The following STS variants were observed in gnomAD, a reference collection of about 807,000 sequenced individuals.
STS encodes the protein steryl-sulfatase.
A neutral mutation model predicts 26.8 loss-of-function variants in STS; 7 were observed. The ratio of observed to expected loss-of-function variants is 0.26; its 90% CI spans 0.15 to 0.49. The LOEUF is 0.49. Among genes scored for constraint, STS ranks in the 20% least tolerant of loss-of-function variants. The pLI, the probability that STS is intolerant of heterozygous loss-of-function variation, is 0.98. For missense variants in STS, 434 were observed against 465.6 expected (o/e 0.93, Z 0.63); for synonymous variants, 199 against 189.4 (o/e 1.05, Z -0.42).
At chrX:7,289,844 A>G (rs1426706167) in intron 7 of STS, among the ~76,000 whole-genome samples, 3 of 111,328 alleles carry the variant, frequency 2.7e-5, no homozygotes, top group African/African-American at 9.8e-5. Flanking sequence ...TTGTAGAGAC[A>G]GGGTTTTACT....
intron 2 of STS, among the ~76,000 whole-genome samples, chrX:7,243,384 G>A (rs753905489): frequency 6.3e-5 from 7 of 111,813 alleles, no homozygotes; most frequent in Non-Finnish European, 9.4e-5. Flanking sequence ...ACCTTTTATC[G>A]CTAGTATCCT....
intron 10 of STS, among the ~76,000 whole-genome samples, chrX:7,338,956 C>T (rs1158986551): frequency 8.9e-6 from 1 of 111,774 alleles, no homozygotes; most frequent in East Asian, 2.8e-4. Context: ...GAATGTGTTC[C>T]TTTCCGGCTT....
intron 7 of STS, among the ~76,000 whole-genome samples, chrX:7,293,489 C>T (rs1354830464): frequency 8.9e-6 from 1 of 111,847 alleles, no homozygotes; most frequent in Non-Finnish European, 1.9e-5. Flanking sequence ...TGATATTCCC[C>T]ATATGTGCTG....
intron 1 of STS, among the ~76,000 whole-genome samples, chrX:7,163,485 C>T (rs1326114029): frequency 1.8e-5 from 2 of 111,965 alleles, no homozygotes; most frequent in East Asian, 2.8e-4. Context: ...GCAAGCATTC[C>T]CTGGGTCTCA....
intron 1 of STS, among the ~76,000 whole-genome samples, chrX:7,185,140 A>T (rs1388463921): frequency 8.9e-6 from 1 of 111,815 alleles, no homozygotes; most frequent in African/African-American, 3.3e-5. Flanking sequence ...ATGACCCTTT[A>T]AAAGACTTCT....
intron 2 of STS, among the ~76,000 whole-genome samples, chrX:7,233,264 T>TGCC (rs2147061670): frequency 9.1e-6 from 1 of 109,469 alleles, no homozygotes; most frequent in Non-Finnish European, 1.9e-5. Flanking sequence ...TGGCTAGTTT[T>TGCC]TGTATTTTTA....
At chrX:7,174,620 C>T (rs1569181289) in intron 1 of STS, among the ~76,000 whole-genome samples, 2 of 111,849 alleles carry the variant, frequency 1.8e-5, no homozygotes, top group Admixed American at 9.5e-5. Context: ...TTTGGGGATT[C>T]CTTGTCAGAT....
intron 1 of STS, among the ~76,000 whole-genome samples, chrX:7,155,907 G>T (rs1328044954): frequency 8.9e-6 from 1 of 111,855 alleles, no homozygotes; most frequent in African/African-American, 3.2e-5. Flanking sequence ...TCAGCGCTTT[G>T]GGAGGCTGAG....
chrX:7,216,226 A>G (rs1228336251), intron 2 of STS, among the ~76,000 whole-genome samples: 3 of 111,874 alleles, frequency 2.7e-5, no homozygotes, highest in Non-Finnish European at 5.6e-5. Context: ...ATGATGGTGA[A>G]TAAGTGACAT....
chrX:7,256,645 A>T (rs2147085049), intron 3 of STS, among the ~76,000 whole-genome samples: 1 of 111,570 alleles, frequency 9.0e-6, no homozygotes, highest in South Asian at 3.8e-4. Context: ...GTGAAGCCTC[A>T]TCCTCATTCA....
intron 8 of STS, among the ~76,000 whole-genome samples, chrX:7,317,464 T>A (rs761169892): frequency 9.0e-5 from 10 of 110,595 alleles, no homozygotes; most frequent in Non-Finnish European, 1.7e-4. Flanking sequence ...GGTTTGTTTG[T>A]TTGTTTGTTT....
At chrX:7,205,531 T>C (rs1934198530) in intron 2 of STS, among the ~76,000 whole-genome samples, 1 of 112,115 alleles carries the variant, frequency 8.9e-6, no homozygotes, top group Non-Finnish European at 1.9e-5. Flanking sequence ...CCAATGCAAC[T>C]GTGTCTGGAG....
intron 2 of STS, among the ~76,000 whole-genome samples, chrX:7,232,961 A>C (rs1164433132): frequency 9.0e-6 from 1 of 111,090 alleles, no homozygotes; most frequent in Non-Finnish European, 1.9e-5. Flanking sequence ...CATGCAAAGA[A>C]GGTCTCTCCT....
At chrX:7,152,268 T>C (rs1161861361) in intron 1 of STS, among the ~76,000 whole-genome samples, 2 of 112,173 alleles carry the variant, frequency 1.8e-5, no homozygotes, top group Non-Finnish European at 3.8e-5. Context: ...ATTATTTTAA[T>C]GTAAAGAAGT....
intron 2 of STS, among the ~76,000 whole-genome samples, chrX:7,248,895 A>T (rs1209237743): frequency 9.0e-6 from 1 of 111,192 alleles, no homozygotes; most frequent in Non-Finnish European, 1.9e-5. Flanking sequence ...TTATTTAAAA[A>T]AAATAATAAT....
rs758547637 is a variant in STS at position 7,207,613 on chromosome X, C to T, written c.-5+16605C>T. On this transcript the variant is annotated intron_variant, in intron 2 of 10. Transcript: ENST00000674429. ...CCAAGTCCCAGTAGGAAGGTTTCAC[C>T]ATATAGTACAATGTAATGATAGGGA... 6.5e-4 allele frequency among the ~76,000 whole-genome samples: 73 copies of T among 111,796 alleles called. 1 individual carries two copies. The highest frequency in any genetic ancestry group is 2.3e-3 in the African/African-American group (70 of 30,810).
At chrX:7,282,119 T>C (rs1370297620) in intron 7 of STS, among the ~76,000 whole-genome samples, 1 of 112,583 alleles carries the variant, frequency 8.9e-6, no homozygotes, top group Non-Finnish European at 1.9e-5. Flanking sequence ...TTGTATACCA[T>C]ATTGAGGTTA....
chrX:7,276,203 G>T, intron 7 of STS, 116 bp downstream of exon 7: 1 of 1,006,431 alleles, frequency 9.9e-7, no homozygotes, highest in Non-Finnish European at 1.4e-6. Flanking sequence ...CAAATGTATG[G>T]GGTTTTTTGA....
At chrX:7,337,301 AACAG>A (rs1928079694) in intron 10 of STS, among the ~76,000 whole-genome samples, 1 of 112,229 alleles carries the variant, frequency 8.9e-6, no homozygotes, top group South Asian at 3.7e-4. Context: ...CAGTGAGCAA[AACAG>A]ACAAAGTTCC....
Sources: gnomAD v4.1 joint callset for allele counts (sites outside exome capture counted in the v4.1 genomes callset) on GRCh38, gnomAD v4.1.1 for gene constraint, MANE v1.5 for transcripts, NCBI Gene and HGNC (gene_info 2026-07-23, HGNC 2026-07-21) for gene names.